The following ING3 variants were observed in gnomAD, a reference collection of about 807,000 sequenced individuals.
ING3 encodes inhibitor of growth family member 3, also known as inhibitor of growth protein 3.
Under a neutral mutation model 64.8 loss-of-function variants are expected in ING3, and 6 were observed. That is an observed-to-expected ratio of 0.09 (90% CI 0.05 to 0.18). The LOEUF is 0.18. Ranked by LOEUF, ING3 falls within the 10% of genes least tolerant of loss-of-function variation. The pLI is 1.00. For synonymous variants in ING3, 170 were observed against 173.7 expected, an observed-to-expected ratio of 0.98 and a Z score of 0.17; for missense variants, 310 against 489.7, an observed-to-expected ratio of 0.63 and a Z score of 3.46.
intron 5 of ING3, 45 bp from the exon 6 acceptor site, chr7:120,966,581 G>A (rs755923184): frequency 7.1e-6 from 10 of 1,410,232 alleles, no homozygotes; most frequent in East Asian, 2.3e-5. Context: ...GAAGTTCTGC[G>A]GTGACATTTA....
At chr7:120,974,350 A>G (rs1313028845) in intron 11 of ING3, among the ~76,000 whole-genome samples, 1 of 152,208 alleles carries the variant, frequency 6.6e-6, no homozygotes, top group Non-Finnish European at 1.5e-5. Flanking sequence ...ATTCTACTTT[A>G]TGAGACAGCA....
chr7:120,970,677 A>AT lies in ING3; in HGVS notation c.909-4dup. 1 of 1,613,006 alleles carries AT rather than the reference A, an allele frequency of 6.2e-7. No individual in the cohort carries two copies. Among genetic ancestry groups the AT allele is most frequent in the Non-Finnish European group, 8.5e-7 (1 of 1,179,360 alleles). ...ATGGTGAGCAAATAAAACTTATACT[A>AT]TTTTTTTCAGAAACAACAACAAGTC... On this transcript the variant is annotated splice_polypyrimidine_tract_variant and intron_variant, in intron 9 of 11. Transcript: ENST00000315870.
In ING3 at chr7:120,970,717, C is replaced by T; in HGVS notation, c.938C>T (p.Ser313Leu). 3 of 1,613,540 alleles carry T rather than the reference C, an allele frequency of 1.9e-6. No homozygotes were observed. The highest frequency in any genetic ancestry group is 2.5e-6 in the Non-Finnish European group (3 of 1,179,522). The change falls in exon 10 of 12, where the codon TCA (serine) becomes TTA (leucine). Residue 313 changes from serine to leucine, a missense_variant. This residue lies in a region of ING3 where 233 missense variants were observed against 289.4 expected (regional missense o/e 0.81). Transcript: ENST00000315870. Reference protein sequence around the residue: ...KNNNKSSSQQSSSSSSSSSLS... With the variant: ...KNNNKSSSQQLSSSSSSSSLS... ...AACAACAAGTCTTCAAGCCAGCAGT[C>T]ATCATCTTCCTCCTCCTCTTCTTCC...
rs1013262683 is a variant in ING3 at position 120,975,775 on chromosome 7, A to G, written c.*931A>G. 12 of 152,212 alleles carry G rather than the reference A, an allele frequency of 7.9e-5. No homozygotes were observed. The highest frequency in any genetic ancestry group is 2.9e-4 in the African/African-American group (12 of 41,464). The allele number at this position is 152,212 out of a possible 1,614,324, so 9.4% of individuals were successfully genotyped here. Reference sequence around the variant, plus strand: ...GACACAGAATACTGTGTAATCTGTGATGTCTTTAATGATGTTTAGAGTTTG... The same window carrying G: ...GACACAGAATACTGTGTAATCTGTGGTGTCTTTAATGATGTTTAGAGTTTG... On this transcript the variant is annotated 3_prime_UTR_variant, in exon 12 of 12. Coordinates refer to ENST00000315870, the MANE Select transcript of ING3 (RefSeq NM_019071.3).
intron 8 of ING3, among the ~76,000 whole-genome samples, 168 bp from the exon 9 acceptor site, chr7:120,968,843 C>T (rs1192858418): frequency 9.9e-6 from 1 of 100,762 alleles, no homozygotes; most frequent in Non-Finnish European, 1.9e-5. Context: ...GAAACTCCAC[C>T]TCAAAAAAAA....
In ING3 at chr7:120,969,194, C is replaced by A; in HGVS notation, c.898C>A (p.Arg300=). The A allele has an allele frequency of 6.2e-7, 1 of 1,612,444 alleles. No homozygotes were observed. The highest frequency in any genetic ancestry group is 1.1e-5 in the South Asian group (1 of 90,864). ...ATCAGCAGCCGACTCACGGAGTGGT[C>A]GAAAGAGCAAGTAAGTTTTATTGTT... The part of the protein sequence containing the change: ...SSSAADSRSG[R]KSKNNNKSSS... Residue 300 remains arginine, a synonymous_variant, in exon 9 of 12, where the codon CGA becomes AGA. Coordinates refer to ENST00000315870, the MANE Select transcript of ING3 (RefSeq NM_019071.3).
At chr7:120,953,529 A>C in intron 3 of ING3, 125 bp downstream of exon 3, 1 of 601,744 alleles carries the variant, frequency 1.7e-6, no homozygotes, top group Non-Finnish European at 2.9e-6. Flanking sequence ...CTTAGAATAT[A>C]AATAATTTAT....
chr7:120,951,504 C>T (rs773960425), intron 2 of ING3, among the ~76,000 whole-genome samples: 1 of 152,174 alleles, frequency 6.6e-6, no homozygotes, highest in Non-Finnish European at 1.5e-5. Context: ...ATTTCTCTAC[C>T]GTCATTGACA....
intron 10 of ING3, among the ~76,000 whole-genome samples, chr7:120,972,926 A>C (rs139344428): frequency 6.6e-6 from 1 of 152,326 alleles, no homozygotes; most frequent in East Asian, 1.9e-4. Context: ...TTACAATAAG[A>C]ACTACCCAGA....
Position 120,968,002 on chromosome 7 carries a change from G to A in ING3, c.625G>A (p.Gly209Arg). The A allele has an allele frequency of 6.2e-7, 1 of 1,613,952 alleles. No homozygotes were observed. Among genetic ancestry groups the A allele is most frequent in the Non-Finnish European group, 8.5e-7 (1 of 1,179,976 alleles). ...AYNVNSSQPL[G>R]SYNIGSLSSG... ...CAATGTGAATTCCTCCCAACCTCTG[G>A]GATCCTATAACATTGGCTCGTTATC... Residue 209 changes from glycine to arginine, a missense_variant, in exon 8 of 12, where the codon GGA (glycine) becomes AGA (arginine). Physicochemically the swap from Gly to Arg is moderately radical, Grantham distance 125. Coordinates refer to ENST00000315870, the MANE Select transcript of ING3 (RefSeq NM_019071.3).
chr7:120,961,404 G>C (rs1456369984), intron 4 of ING3, among the ~76,000 whole-genome samples: 1 of 152,126 alleles, frequency 6.6e-6, no homozygotes, highest in Non-Finnish European at 1.5e-5. Context: ...GAATGTAACA[G>C]ACTTGATTGC....
intron 9 of ING3, among the ~76,000 whole-genome samples, chr7:120,970,011 C>T (rs992711532): frequency 2.0e-5 from 3 of 152,138 alleles, no homozygotes; most frequent in Admixed American, 6.5e-5. Flanking sequence ...TAGCATAGGG[C>T]TTAGCAGTAA....
rs1266851604 is a variant in ING3 at position 120,969,034 on chromosome 7, A to C, written c.738A>C (p.Ser246=). 1 of 1,613,158 alleles carries C rather than the reference A, an allele frequency of 6.2e-7. No individual in the cohort carries two copies. The highest frequency in any genetic ancestry group is 8.5e-7 in the Non-Finnish European group (1 of 1,179,370). ...AGATGAAGGAGGGACGAAGAACATC[A>C]AGTTTAAAAGCCAGTTATGAAGCAT... is the stretch of plus-strand genomic sequence containing the variant. ...TAQMKEGRRT[S]SLKASYEAFK... The change falls in exon 9 of 12, where the codon TCA becomes TCC. Residue 246 remains serine, a synonymous_variant. Transcript: ENST00000315870.
chr7:120,966,051 A>C (rs950311033), intron 5 of ING3, among the ~76,000 whole-genome samples: 1 of 152,144 alleles, frequency 6.6e-6, no homozygotes, highest in African/African-American at 2.4e-5. Flanking sequence ...CCATAATTTC[A>C]TCTCAAGGGA....
rs1443359184 is a variant in ING3 at position 120,955,854 on chromosome 7, G to A, written c.267+230G>A. 7.0e-6 allele frequency: 4 copies of A among 573,846 alleles called. No individual in the cohort carries two copies. The African/African-American group carries it at 7.6e-5, about 11-fold the overall frequency. The allele number at this position is 573,846 out of a possible 1,614,324, so 35.5% of individuals were successfully genotyped here. ...TACATTTTAGCAAGTCTATACGGCG[G>A]TAAGGTGGTTTCTGATGTTAGATAT... On this transcript the variant is annotated intron_variant, in intron 4 of 11. Coordinates refer to ENST00000315870, the MANE Select transcript of ING3 (RefSeq NM_019071.3).
chr7:120,954,052 A>G (rs986703352), intron 3 of ING3, among the ~76,000 whole-genome samples: 4 of 152,224 alleles, frequency 2.6e-5, no homozygotes, highest in African/African-American at 4.8e-5. Flanking sequence ...TGATTCTGCT[A>G]TTTAGCTGTG....
rs1185044744 is a variant in ING3, at chr7:120,977,024, A to T, written c.*2180A>T. 1 of 152,202 alleles carries T rather than the reference A, an allele frequency of 6.6e-6. No homozygotes were observed. The highest frequency in any genetic ancestry group is 2.4e-5 in the African/African-American group (1 of 41,448). The allele number at this position is 152,202 out of a possible 1,614,324, so 9.4% of individuals were successfully genotyped here. A position where few individuals can be genotyped will look rare whatever the true frequency, so the allele number is the denominator to read the frequency against. Reference sequence around the variant, plus strand: ...ATTTACACCAAGGGGCATAGTAAGTATTTTTGGTATTATAAAATACACATT... The same window carrying T: ...ATTTACACCAAGGGGCATAGTAAGTTTTTTTGGTATTATAAAATACACATT... On this transcript the variant is annotated 3_prime_UTR_variant, in exon 12 of 12. Coordinates refer to ENST00000315870, the MANE Select transcript of ING3 (RefSeq NM_019071.3).
In ING3 at chr7:120,975,539, T is replaced by A. The variant is rs985255964; in HGVS notation, c.*695T>A. ...GTTCATGAGGGAGGGGGCGGGGGAC[T>A]GAAGGGGAAAGGGCGTTAAAGTGAT... On this transcript the variant is annotated 3_prime_UTR_variant, in exon 12 of 12. Coordinates refer to ENST00000315870, the MANE Select transcript of ING3 (RefSeq NM_019071.3). The A allele has an allele frequency of 2.6e-5, 4 of 151,720 alleles. No individual in the cohort carries two copies. Among genetic ancestry groups the A allele is most frequent in the African/African-American group, 9.7e-5 (4 of 41,306 alleles). 9.4% of individuals were successfully genotyped at this position (151,720 alleles called of 1,614,324 possible).
At chr7:120,951,630 C>G (rs1200617356) in intron 2 of ING3, among the ~76,000 whole-genome samples, 2 of 152,162 alleles carry the variant, frequency 1.3e-5, no homozygotes, top group Non-Finnish European at 1.5e-5. Context: ...TCATCCTATT[C>G]ACAGTTTTTC....
Sources: gnomAD v4.1 joint callset for allele counts (sites outside exome capture counted in the v4.1 genomes callset) on GRCh38, gnomAD v4.1.1 for gene constraint, gnomAD v4.1.1 regional missense constraint, MANE v1.5 for transcripts, NCBI Gene and HGNC (gene_info 2026-07-23, HGNC 2026-07-21) for gene names.